The following MAPK4 variants were observed in gnomAD, a reference collection of about 807,000 sequenced individuals.
The protein encoded by MAPK4 is mitogen-activated protein kinase 4.
A neutral mutation model predicts 47.7 loss-of-function variants in MAPK4; 22 were observed. That is an observed-to-expected ratio of 0.46 (90% CI 0.33 to 0.66). The LOEUF (loss-of-function observed/expected upper bound fraction) is 0.66. MAPK4 is among the 30% of genes least tolerant of loss of function. MAPK4 has a pLI of 0.02. For synonymous variants in MAPK4, 390 were observed against 365.7 expected, an observed-to-expected ratio of 1.07 and a Z score of -0.76; for missense variants, 736 against 831.7, an observed-to-expected ratio of 0.88 and a Z score of 1.42.
chr18:50,583,335 C>G (rs7237279), intron 1 of MAPK4, among the ~76,000 whole-genome samples: 41,690 of 152,086 alleles, frequency 0.27, 5,685 homozygotes, highest in South Asian at 0.33. Context: ...CGCCTGTAAT[C>G]CTAGCACTTT....
At chr18:50,654,173 A>C (rs534516441) in intron 1 of MAPK4, among the ~76,000 whole-genome samples, 1 of 152,356 alleles carries the variant, frequency 6.6e-6, no homozygotes, top group East Asian at 1.9e-4. Context: ...CCATGGGCTA[A>C]CCCTGCAGGT....
chr18:50,636,538 C>T (rs2042890483), intron 1 of MAPK4, among the ~76,000 whole-genome samples: 1 of 152,240 alleles, frequency 6.6e-6, no homozygotes, highest in Non-Finnish European at 1.5e-5. Flanking sequence ...GGGGCTGCCT[C>T]TCCTGCATGA....
chr18:50,647,279 C>T (rs2042998625), intron 1 of MAPK4, among the ~76,000 whole-genome samples: 1 of 152,104 alleles, frequency 6.6e-6, no homozygotes, highest in Non-Finnish European at 1.5e-5. Flanking sequence ...CAAAATGATT[C>T]GTAAGGAGAA....
At chr18:50,680,236 T>C (rs1326255916) in intron 2 of MAPK4, among the ~76,000 whole-genome samples, 1 of 151,496 alleles carries the variant, frequency 6.6e-6, no homozygotes, top group East Asian at 1.9e-4. Context: ...GGATTACAGG[T>C]GCCCACCACC....
At chr18:50,625,050 G>T (rs2042764713) in intron 1 of MAPK4, among the ~76,000 whole-genome samples, 1 of 152,196 alleles carries the variant, frequency 6.6e-6, no homozygotes. Flanking sequence ...GGAAGATGAG[G>T]ACTATCTGGA....
At chr18:50,613,965 A>G (rs983181031) in intron 1 of MAPK4, among the ~76,000 whole-genome samples, 19 of 152,242 alleles carry the variant, frequency 1.2e-4, no homozygotes, top group African/African-American at 4.6e-4. Context: ...ATTAAAAGTT[A>G]TAAATTGCTG....
intron 3 of MAPK4, among the ~76,000 whole-genome samples, chr18:50,716,623 G>GC (rs1377283821): frequency 6.6e-6 from 1 of 152,152 alleles, no homozygotes; most frequent in African/African-American, 2.4e-5. Context: ...CTGCCTCCTT[G>GC]CCACCTGTCC....
At chr18:50,575,375 C>T (rs775778351) in intron 1 of MAPK4, among the ~76,000 whole-genome samples, 25 of 152,172 alleles carry the variant, frequency 1.6e-4, no homozygotes, top group African/African-American at 5.6e-4. Flanking sequence ...CTTTGCAGAA[C>T]AAATGGACTA....
intron 2 of MAPK4, among the ~76,000 whole-genome samples, chr18:50,672,613 C>T (rs1459631092): frequency 1.3e-5 from 2 of 152,152 alleles, no homozygotes; most frequent in African/African-American, 4.8e-5. Context: ...AAGAACACCA[C>T]ACCCAGGCCA....
intron 1 of MAPK4, among the ~76,000 whole-genome samples, chr18:50,654,510 T>G (rs2043086127): frequency 6.6e-6 from 1 of 152,336 alleles, no homozygotes; most frequent in African/African-American, 2.4e-5. Flanking sequence ...AAGTCATAAT[T>G]GCACTGATTT....
chr18:50,726,947 T>A (rs997327253), intron 5 of MAPK4, among the ~76,000 whole-genome samples: 4 of 152,068 alleles, frequency 2.6e-5, no homozygotes, highest in African/African-American at 7.2e-5. Context: ...GAGACTGGCA[T>A]CATGTCACAC....
intron 1 of MAPK4, among the ~76,000 whole-genome samples, chr18:50,639,995 G>A (rs943954288): frequency 2.0e-5 from 3 of 152,150 alleles, no homozygotes; most frequent in African/African-American, 7.2e-5. Flanking sequence ...TTCTCCTAAT[G>A]GAATCAGTTT....
intron 1 of MAPK4, among the ~76,000 whole-genome samples, chr18:50,568,151 G>A (rs971374192): frequency 1.3e-5 from 2 of 151,040 alleles, no homozygotes; most frequent in East Asian, 1.9e-4. Context: ...AGCCGAGATC[G>A]GGCCACTGCA....
chr18:50,616,233 G>A (rs2042683588), intron 1 of MAPK4, among the ~76,000 whole-genome samples: 1 of 152,184 alleles, frequency 6.6e-6, no homozygotes, highest in African/African-American at 2.4e-5. Context: ...TGCCTGGACA[G>A]TGTGATACCT....
intron 2 of MAPK4, 99 bp from the exon 3 acceptor site, chr18:50,714,980 G>C: frequency 1.6e-6 from 2 of 1,217,632 alleles, no homozygotes; most frequent in Non-Finnish European, 2.3e-6. Context: ...AAGGGACCCT[G>C]AAAGAGGTCT....
chr18:50,654,610 G>A (rs913632981), intron 1 of MAPK4, among the ~76,000 whole-genome samples: 2 of 152,238 alleles, frequency 1.3e-5, no homozygotes, highest in South Asian at 4.1e-4. Flanking sequence ...AGGGTCAAAG[G>A]TTGCAGGAGT....
chr18:50,699,157 C>T lies in MAPK4; in HGVS notation c.547-15922C>T, dbSNP rs533242651. 3.3e-5 allele frequency among the ~76,000 whole-genome samples: 5 copies of T among 152,220 alleles called. No homozygotes were observed. The South Asian group carries it at 1.0e-3, about 32-fold the overall frequency. ...AGAAACAAAGGAGGAAAAAAAGACC[C>T]CATGATCATCTCAATCGATGCAGAA... is the stretch of plus-strand genomic sequence containing the variant. On this transcript the variant is annotated intron_variant, in intron 2 of 5. Transcript: ENST00000400384.
At chr18:50,682,799 G>T (rs182254258) in intron 2 of MAPK4, among the ~76,000 whole-genome samples, 1 of 152,214 alleles carries the variant, frequency 6.6e-6, no homozygotes, top group Non-Finnish European at 1.5e-5. Flanking sequence ...GTTCATCACA[G>T]CTTTTCCATA....
intron 2 of MAPK4, among the ~76,000 whole-genome samples, chr18:50,707,518 T>A (rs1229463102): frequency 2.1e-5 from 3 of 141,530 alleles, no homozygotes; most frequent in Non-Finnish European, 4.5e-5. Context: ...CTGCAGTGAG[T>A]CATGATCGTG....
Sources: allele counts gnomAD v4.1 joint callset (sites outside exome capture counted in the v4.1 genomes callset), GRCh38; gene constraint gnomAD v4.1.1; transcripts MANE v1.5; gene names NCBI Gene and HGNC (gene_info 2026-07-23, HGNC 2026-07-21).